The following SLC6A12 variants were observed in gnomAD, a reference collection of about 807,000 sequenced individuals.
The protein encoded by SLC6A12 is solute carrier family 6 member 12.
Under a neutral mutation model 73.3 loss-of-function variants are expected in SLC6A12, and 50 were observed. The ratio of observed to expected loss-of-function variants is 0.68; its 90% confidence interval spans 0.54 to 0.86. The LOEUF (loss-of-function observed/expected upper bound fraction) is 0.86, where lower values mean the gene tolerates loss of function less well. Ranked by LOEUF, SLC6A12 falls within the 40% of genes least tolerant of loss-of-function variation. The pLI is 0.00. For synonymous variants in SLC6A12, 304 were observed against 309.2 expected, an observed-to-expected ratio of 0.98 and a Z score of 0.18; for missense variants, 648 against 772.8, an observed-to-expected ratio of 0.84 and a Z score of 1.92.
downstream of SLC6A12, among the ~76,000 whole-genome samples, chr12:187,589 C>CAAAAGAGCAAAAAA (rs1939453849): frequency 5.7e-5 from 6 of 106,052 alleles, no homozygotes; most frequent in African/African-American, 3.2e-4. Context: ...TGCAAAAGAG[C>CAAAAGAGCAAAAAA]AAAAAAAAAA....
At position 196,242 on chromosome 12, in the gene SLC6A12, A is replaced by G; in HGVS notation, c.1208T>C (p.Leu403Pro). ...GAACATGTCTATGGAGGCTGTCACC[A>G]GGCACTCCACACAGACAAACTGTGG... ...LDSQFVCVEC[L>P]VTASIDMFPR... Residue 403 changes from leucine (L) to proline (P), a missense_variant, in exon 12 of 16, where the codon CTG (leucine) becomes CCG (proline). By Grantham distance (98) the Leu-to-Pro change is moderately conservative (BLOSUM62 -3). Coordinates refer to ENST00000684302, the MANE Select transcript of SLC6A12 (RefSeq NM_001122848.3). The G allele has an allele frequency of 6.2e-7, 1 of 1,607,444 alleles. No individual in the cohort carries two copies. The highest frequency in any genetic ancestry group is 8.5e-7 in the Non-Finnish European group (1 of 1,178,088).
chr12:197,799 G>A, intron 9 of SLC6A12, 101 bp downstream of exon 9: 1 of 828,308 alleles, frequency 1.2e-6, no homozygotes, highest in Non-Finnish European at 2.0e-6. Flanking sequence ...AACGTATAAT[G>A]AATAAGGAAG....
At chr12:192,676 T>C (rs780371747) in intron 14 of SLC6A12, 28 bp from the exon 15 acceptor site, 1 of 1,611,424 alleles carries the variant, frequency 6.2e-7, no homozygotes, top group South Asian at 1.1e-5. Flanking sequence ...CAGCCATGGG[T>C]AAGATAGGGG....
At chr12:187,589 CAAAAAAAAAAAAAAAAAAAAAAAAAAAA>C (rs761187495), downstream of SLC6A12, among the ~76,000 whole-genome samples, 41,808 of 106,258 alleles carry the variant, frequency 0.39, 8,517 homozygotes, top group Non-Finnish European at 0.46. Context: ...TGCAAAAGAG[CAAAAAAAAAAAAAAAAAAAAAAAAAAAA>C]AAAAAAAAAA....
chr12:211,801 G>C (rs983687347), intron 2 of SLC6A12, among the ~76,000 whole-genome samples: 1 of 152,228 alleles, frequency 6.6e-6, no homozygotes, highest in African/African-American at 2.4e-5. Context: ...AGATCTAGCT[G>C]TTAATGATAA....
Position 209,755 on chromosome 12 carries a change from A to G in SLC6A12, c.214+18T>C. On this transcript the variant is annotated intron_variant, in intron 3 of 15. Transcript: ENST00000684302. The stretch of plus-strand genomic sequence containing the variant: ...GCACACAGCTCTCCCCACCATGCCT[A>G]CCTCAAAGTGAACTCACCACCTCCG... The G allele has an allele frequency of 6.2e-7, 1 of 1,613,918 alleles. No individual in the cohort carries two copies. The highest frequency in any genetic ancestry group is 8.5e-7 in the Non-Finnish European group (1 of 1,179,864).
chr12:209,036 C>T (rs1940787708), intron 3 of SLC6A12, among the ~76,000 whole-genome samples: 1 of 152,164 alleles, frequency 6.6e-6, no homozygotes, highest in Non-Finnish European at 1.5e-5. Flanking sequence ...CCTGTGACCT[C>T]TCTGCCCTCA....
chr12:184,479 G>T, the SLC6A12 span, among the ~76,000 whole-genome samples: 8 of 152,102 alleles, frequency 5.3e-5, no homozygotes, highest in Non-Finnish European at 1.0e-4. Flanking sequence ...ACAAAAATTC[G>T]GTGGTTCATG....
chr12:186,985 C>T (rs1420287432), downstream of SLC6A12, among the ~76,000 whole-genome samples: 4 of 152,174 alleles, frequency 2.6e-5, no homozygotes, highest in Non-Finnish European at 5.9e-5. Context: ...CCCTCCCCTG[C>T]CCAAAGTTCT....
Position 202,851 on chromosome 12 carries a change from A to T in SLC6A12, c.379T>A (p.Ser127Thr). 1.2e-6 allele frequency: 2 copies of T among 1,613,842 alleles called. No homozygotes were observed. Among genetic ancestry groups the T allele is most frequent in the Non-Finnish European group, 1.7e-6 (2 of 1,179,908 alleles). ...ATGATGTAGTAGACATTCAAATATG[A>T]CTCGATGACCACAGATGCCAGACCA... is the stretch of plus-strand genomic sequence containing the variant. ...GIGLASVVIE[S>T]YLNVYYIIIL... Residue 127 changes from serine (S) to threonine (T), a missense_variant, in exon 5 of 16, where the codon TCA becomes ACA. Ser to Thr is a moderately conservative substitution (Grantham distance 58). Coordinates refer to ENST00000684302, the MANE Select transcript of SLC6A12 (RefSeq NM_001122848.3).
At chr12:201,384 C>T in intron 6 of SLC6A12, 1 of 246,680 alleles carries the variant, frequency 4.1e-6, no homozygotes, top group South Asian at 5.5e-5. Flanking sequence ...AGCACTCCCG[C>T]CTTGGGCAAT....
At chr12:197,023 C>T (rs904415978) in intron 10 of SLC6A12, 141 bp from the exon 11 acceptor site, 6 of 312,972 alleles carry the variant, frequency 1.9e-5, no homozygotes, top group Non-Finnish European at 3.5e-5. Flanking sequence ...CTGTTCTTCT[C>T]TTTCCAGGCC....
the SLC6A12 span, among the ~76,000 whole-genome samples, chr12:184,658 G>A: frequency 4.6e-5 from 7 of 152,182 alleles, no homozygotes; most frequent in Non-Finnish European, 7.3e-5. Context: ...GCTGAGGCAG[G>A]AGAATGGCGT....
downstream of SLC6A12, among the ~76,000 whole-genome samples, chr12:187,604 AAAAAAAAAAAAAAAAAAAAAAAAAAAAC>A (rs1354326468): frequency 0.15 from 2,529 of 16,842 alleles, 134 homozygotes; most frequent in Non-Finnish European, 0.35. Flanking sequence ...AAAAAAAAAA[AAAAAAAAAAAAAAAAAAAAAAAAAAAAC>A]AAACCACACA....
chr12:200,340 C>A (rs1406696041), intron 7 of SLC6A12, among the ~76,000 whole-genome samples: 1 of 151,956 alleles, frequency 6.6e-6, no homozygotes, highest in Non-Finnish European at 1.5e-5. Context: ...GATCTCCTGA[C>A]CTCGTGATCC....
At chr12:188,165 G>A (rs1939470284), downstream of SLC6A12, among the ~76,000 whole-genome samples, 1 of 152,214 alleles carries the variant, frequency 6.6e-6, no homozygotes. Flanking sequence ...CCCTGGAGCA[G>A]GGGGCGGCGC....
intron 3 of SLC6A12, among the ~76,000 whole-genome samples, chr12:209,341 A>G (rs1050402720): frequency 2.0e-5 from 3 of 152,126 alleles, no homozygotes; most frequent in African/African-American, 7.2e-5. Flanking sequence ...TTTGTCCGCA[A>G]CCTGCCGCAG....
At chr12:186,612 G>C (rs369239786), downstream of SLC6A12, among the ~76,000 whole-genome samples, 1 of 152,216 alleles carries the variant, frequency 6.6e-6, no homozygotes. Context: ...CTTGCAGCAA[G>C]CTGCTGCTGT....
rs1021155277 is a variant in SLC6A12, at chr12:198,170, G to A, written c.847-167C>T. Among the ~76,000 whole-genome samples the A allele has an allele frequency of 1.6e-4, 25 of 152,172 alleles. No homozygotes were observed. The highest frequency in any genetic ancestry group is 4.6e-4 in the Admixed American group (7 of 15,280). ...CGTGAGTGCGCCCTCCGGTCTCCACGGTGATCTCCTCCCCAGTGCGGCCCA... is the reference window on the plus strand; with the variant it reads ...CGTGAGTGCGCCCTCCGGTCTCCACAGTGATCTCCTCCCCAGTGCGGCCCA... On this transcript the variant is annotated intron_variant, in intron 8 of 15. Coordinates refer to ENST00000684302, the MANE Select transcript of SLC6A12 (RefSeq NM_001122848.3). The surrounding 1 kb of genome is among the most constrained non-coding windows in gnomAD (Gnocchi z 4.0).
Sources: gnomAD v4.1 joint callset for allele counts (sites outside exome capture counted in the v4.1 genomes callset) on GRCh38, gnomAD v4.1.1 for gene constraint, Gnocchi (gnomAD v3.1) non-coding constraint, MANE v1.5 for transcripts, NCBI Gene and HGNC (gene_info 2026-07-23, HGNC 2026-07-21) for gene names.